The following ANO3 variants were observed in gnomAD, a reference collection of about 807,000 sequenced individuals.
The protein encoded by ANO3 is anoctamin-3.
A neutral mutation model predicts 144.8 loss-of-function variants in ANO3; 99 were observed. That is an observed-to-expected ratio of 0.68 (90% confidence interval 0.58 to 0.81). ANO3 has a LOEUF of 0.81. Ranked by LOEUF, ANO3 falls within the 30% of genes least tolerant of loss-of-function variation. The probability of loss-of-function intolerance (pLI) is 0.00; values close to 1 mark genes in which losing one functional copy is unlikely to be tolerated. For missense variants in ANO3, 905 were observed against 1,202.2 expected, an observed-to-expected ratio of 0.75 and a Z score of 3.66; for synonymous variants, 414 against 392.6, an observed-to-expected ratio of 1.05 and a Z score of -0.64.
intron 9 of ANO3, among the ~76,000 whole-genome samples, chr11:26,536,739 C>T (rs1170003039): frequency 6.6e-6 from 1 of 151,874 alleles, no homozygotes; most frequent in African/African-American, 2.4e-5. Flanking sequence ...TTACTATGTA[C>T]CTATTATAAT....
intron 11 of ANO3, among the ~76,000 whole-genome samples, chr11:26,544,251 C>CACACATATATATATAT (rs1183023481): frequency 1.8e-3 from 69 of 38,458 alleles, no homozygotes; most frequent in African/African-American, 4.1e-3. Flanking sequence ...TTTCATTATA[C>CACACATATATATATAT]ATATATATAT....
intron 18 of ANO3, among the ~76,000 whole-genome samples, chr11:26,626,210 T>G (rs7125967): frequency 0.17 from 25,293 of 152,214 alleles, 2,379 homozygotes; most frequent in African/African-American, 0.26. Flanking sequence ...TTTTATCATT[T>G]ATTATGCTGG....
chr11:26,212,675 A>G (rs1390719236), intron 1 of ANO3, among the ~76,000 whole-genome samples: 1 of 152,066 alleles, frequency 6.6e-6, no homozygotes, highest in Non-Finnish European at 1.5e-5. Flanking sequence ...CCAGGACCAG[A>G]CAGATTGACA....
chr11:26,470,496 T>C (rs919295715), intron 4 of ANO3, among the ~76,000 whole-genome samples: 3 of 151,706 alleles, frequency 2.0e-5, no homozygotes, highest in Admixed American at 1.3e-4. Context: ...TTGTAATTTG[T>C]GGTGGGGGAG....
intron 1 of ANO3, among the ~76,000 whole-genome samples, chr11:26,209,250 T>C (rs367553363): frequency 4.7e-4 from 72 of 152,298 alleles, no homozygotes; most frequent in Admixed American, 1.6e-3. Context: ...CAGAGTTTGG[T>C]TTTCTGTTCC....
intron 14 of ANO3, among the ~76,000 whole-genome samples, chr11:26,585,176 A>C (rs1403593149): frequency 6.6e-6 from 1 of 152,208 alleles, no homozygotes; most frequent in East Asian, 1.9e-4. Flanking sequence ...GAACATAGGC[A>C]GCACACATTT....
chr11:26,360,802 G>GT (rs1855906208), intron 1 of ANO3, among the ~76,000 whole-genome samples: 1 of 152,162 alleles, frequency 6.6e-6, no homozygotes, highest in Non-Finnish European at 1.5e-5. Flanking sequence ...ATCAAATCAT[G>GT]TTTTAACTTC....
intron 14 of ANO3, among the ~76,000 whole-genome samples, chr11:26,584,208 G>T (rs1851214154): frequency 6.6e-6 from 1 of 152,092 alleles, no homozygotes; most frequent in Non-Finnish European, 1.5e-5. Context: ...CGCCAGGCTG[G>T]AGTGCAATGG....
chr11:26,607,485 T>A (rs1253256146), intron 17 of ANO3, among the ~76,000 whole-genome samples: 3 of 152,222 alleles, frequency 2.0e-5, no homozygotes, highest in South Asian at 2.1e-4. Flanking sequence ...TTTTACACAG[T>A]GCCTGTTTCT....
chr11:26,315,244 C>T (rs1353710078), intron 1 of ANO3, among the ~76,000 whole-genome samples: 4 of 152,154 alleles, frequency 2.6e-5, no homozygotes, highest in African/African-American at 7.2e-5. Flanking sequence ...AAATCCACTT[C>T]GGGTGAGCAG....
rs934578582 is a variant in ANO3, at chr11:26,246,482, T to A, written c.154+57152T>A. On this transcript the variant is annotated intron_variant, in intron 1 of 27. Transcript: ENST00000672621. ...TATATATATATATATATATATATATTATGAGTATAAACTGAACATCTTATC... is the reference window on the plus strand; with the variant it reads ...TATATATATATATATATATATATATAATGAGTATAAACTGAACATCTTATC... Among the ~76,000 whole-genome samples the A allele has an allele frequency of 2.1e-4, 28 of 134,876 alleles. No individual in the cohort carries two copies. In the East Asian group the frequency reaches 2.5e-3, roughly 12 times the overall value. 88.5% of individuals were successfully genotyped at this position (134,876 alleles called of 152,430 possible). A position where few individuals can be genotyped will look rare whatever the true frequency, so the allele number is the denominator to read the frequency against.
At chr11:26,434,742 T>C (rs943318483) in intron 1 of ANO3, among the ~76,000 whole-genome samples, 3 of 152,164 alleles carry the variant, frequency 2.0e-5, no homozygotes, top group African/African-American at 7.2e-5. Context: ...TTTTGAGCAA[T>C]TTTTTAAGTC....
intron 4 of ANO3, among the ~76,000 whole-genome samples, chr11:26,490,264 T>G (rs1337247515): frequency 1.3e-5 from 2 of 152,188 alleles, no homozygotes; most frequent in Admixed American, 1.3e-4. Context: ...CCATGCCTTT[T>G]GCCTCCTGCC....
At chr11:26,615,953 G>C (rs1852248433) in intron 17 of ANO3, among the ~76,000 whole-genome samples, 1 of 152,130 alleles carries the variant, frequency 6.6e-6, no homozygotes, top group Non-Finnish European at 1.5e-5. Context: ...TGGAGAGAAA[G>C]AGAATCACTG....
chr11:26,200,222 A>T (rs1851666645), intron 1 of ANO3, among the ~76,000 whole-genome samples: 1 of 152,178 alleles, frequency 6.6e-6, no homozygotes, highest in African/African-American at 2.4e-5. Context: ...AGGAGCTCAT[A>T]AAAATTTAGT....
intron 1 of ANO3, among the ~76,000 whole-genome samples, chr11:26,245,245 G>C (rs1034410511): frequency 6.6e-6 from 1 of 152,134 alleles, no homozygotes; most frequent in African/African-American, 2.4e-5. Context: ...ACTTTAGTCA[G>C]AATTTGAAAG....
intron 1 of ANO3, among the ~76,000 whole-genome samples, chr11:26,395,349 T>A (rs1856983718): frequency 6.6e-6 from 1 of 152,176 alleles, no homozygotes; most frequent in Admixed American, 6.5e-5. Context: ...TAGCATTGAA[T>A]CTCTAAATTA....
At chr11:26,394,389 G>A (rs924898115) in intron 1 of ANO3, among the ~76,000 whole-genome samples, 4 of 151,812 alleles carry the variant, frequency 2.6e-5, no homozygotes, top group Non-Finnish European at 4.4e-5. Flanking sequence ...AATGGGTTTA[G>A]AAAGTCAGAA....
intron 24 of ANO3, among the ~76,000 whole-genome samples, chr11:26,655,158 G>A (rs1853647437): frequency 6.6e-6 from 1 of 152,072 alleles, no homozygotes; most frequent in Non-Finnish European, 1.5e-5. Context: ...CAGCTTTCCA[G>A]GCTGCCCAAG....
Sources: gnomAD v4.1 joint callset for allele counts (sites outside exome capture counted in the v4.1 genomes callset) on GRCh38, gnomAD v4.1.1 for gene constraint, MANE v1.5 for transcripts, NCBI Gene and HGNC (gene_info 2026-07-23, HGNC 2026-07-21) for gene names.